Variants in FAM110B observed in about 807,000 individuals in gnomAD.
FAM110B encodes protein FAM110B.
In FAM110B, 6 loss-of-function variants were observed where a neutral mutation model predicts 20.4. That is an observed-to-expected ratio of 0.29 (90% CI 0.16 to 0.58). FAM110B has a LOEUF of 0.58. Ranked by LOEUF, FAM110B falls within the 20% of genes least tolerant of loss-of-function variation. The probability of loss-of-function intolerance (pLI) is 0.90; values close to 1 mark genes in which losing one functional copy is unlikely to be tolerated. For missense variants in FAM110B, 434 were observed against 498.2 expected, an observed-to-expected ratio of 0.87 and a Z score of 1.23; for synonymous variants, 226 against 214.1, an observed-to-expected ratio of 1.06 and a Z score of -0.49.
chr8:58,111,809 A>G (rs1391402448), intron 3 of FAM110B, among the ~76,000 whole-genome samples: 1 of 152,170 alleles, frequency 6.6e-6, no homozygotes, highest in Non-Finnish European at 1.5e-5. Context: ...TTAATGCTGT[A>G]TTCTCTTACC....
chr8:58,041,163 A>G (rs1172083582), intron 2 of FAM110B, among the ~76,000 whole-genome samples: 1 of 150,914 alleles, frequency 6.6e-6, no homozygotes, highest in East Asian at 2.0e-4. Context: ...CTGGTCTTGA[A>G]CTCCTGACCT....
chr8:58,119,213 C>G (rs1411163700), intron 3 of FAM110B, among the ~76,000 whole-genome samples: 1 of 152,134 alleles, frequency 6.6e-6, no homozygotes, highest in African/African-American at 2.4e-5. Flanking sequence ...TTAGTCTGAG[C>G]TGCTATAGCA....
intron 3 of FAM110B, among the ~76,000 whole-genome samples, chr8:58,117,099 G>A (rs534246003): frequency 3.9e-5 from 6 of 152,210 alleles, no homozygotes; most frequent in East Asian, 3.9e-4. Flanking sequence ...TTTTTGTGCC[G>A]ATCTGTCCAG....
At chr8:58,007,947 T>G (rs1263531673) in intron 1 of FAM110B, among the ~76,000 whole-genome samples, 1 of 152,120 alleles carries the variant, frequency 6.6e-6, no homozygotes, top group Non-Finnish European at 1.5e-5. Flanking sequence ...ATACGTAAAG[T>G]AACAAAATTC....
In FAM110B at chr8:58,146,276, A is replaced by G. The variant is rs1330898869; in HGVS notation, c.46A>G (p.Ser16Gly). The change falls in exon 4 of 4, where the codon AGC becomes GGC. Residue 16 changes from serine to glycine, a missense_variant. Coordinates refer to ENST00000519262, the MANE Select transcript of FAM110B (RefSeq NM_001377989.1). ...LQTGSMVKPV[S>G]PAGTFTSAVP... is the part of the protein sequence containing the mutation. ...GACAGGTAGCATGGTGAAGCCGGTC[A>G]GCCCCGCGGGCACCTTCACCTCTGC... The G allele has an allele frequency of 1.9e-6, 3 of 1,612,564 alleles. No individual in the cohort carries two copies. Among genetic ancestry groups the G allele is most frequent in the Middle Eastern group, 1.7e-4 (1 of 6,034 alleles).
intron 2 of FAM110B, among the ~76,000 whole-genome samples, chr8:58,061,274 C>T (rs914863098): frequency 6.6e-6 from 1 of 152,184 alleles, no homozygotes; most frequent in Non-Finnish European, 1.5e-5. Flanking sequence ...TCTCTTGACC[C>T]CTGGAAGGGT....
At chr8:57,999,180 C>T (rs995572353) in intron 1 of FAM110B, among the ~76,000 whole-genome samples, 6 of 152,246 alleles carry the variant, frequency 3.9e-5, no homozygotes, top group African/African-American at 1.4e-4. Flanking sequence ...AAATCTATGA[C>T]TTTAAAATTG....
chr8:58,003,277 C>T (rs879900474), intron 1 of FAM110B, among the ~76,000 whole-genome samples: 19 of 152,276 alleles, frequency 1.2e-4, no homozygotes, highest in Non-Finnish European at 2.2e-4. Context: ...CTATTTCCAC[C>T]GGATCTGCAA....
At chr8:58,052,670 G>T (rs1805470835) in intron 2 of FAM110B, among the ~76,000 whole-genome samples, 1 of 151,922 alleles carries the variant, frequency 6.6e-6, no homozygotes, top group Admixed American at 6.6e-5. Flanking sequence ...TGCAGGGGTG[G>T]GATAGGGTAG....
chr8:58,110,010 C>T (rs1807023014), intron 3 of FAM110B, among the ~76,000 whole-genome samples: 1 of 152,158 alleles, frequency 6.6e-6, no homozygotes. Flanking sequence ...CCATCACTGT[C>T]TATAAACAAC....
intron 3 of FAM110B, among the ~76,000 whole-genome samples, chr8:58,080,936 C>T (rs572869133): frequency 2.6e-5 from 4 of 152,288 alleles, no homozygotes; most frequent in Admixed American, 1.3e-4. Flanking sequence ...AAACCAAGCT[C>T]CACATCATCC....
At chr8:58,078,703 A>C (rs914507514) in intron 3 of FAM110B, among the ~76,000 whole-genome samples, 1 of 151,766 alleles carries the variant, frequency 6.6e-6, no homozygotes, top group South Asian at 2.1e-4. Flanking sequence ...GGCACCCGCC[A>C]CCACGCCCGG....
At chr8:58,003,425 T>C (rs1585802408) in intron 1 of FAM110B, among the ~76,000 whole-genome samples, 1 of 152,236 alleles carries the variant, frequency 6.6e-6, no homozygotes, top group Non-Finnish European at 1.5e-5. Flanking sequence ...TTTAGAATGG[T>C]GAATCCTTTC....
intron 3 of FAM110B, among the ~76,000 whole-genome samples, chr8:58,078,336 G>A (rs1293842880): frequency 2.6e-5 from 4 of 152,116 alleles, no homozygotes; most frequent in Non-Finnish European, 5.9e-5. Flanking sequence ...AATATGAAAC[G>A]TCCTGAGTAG....
intron 2 of FAM110B, among the ~76,000 whole-genome samples, chr8:58,057,276 A>T (rs1473227768): frequency 6.6e-6 from 1 of 152,140 alleles, no homozygotes; most frequent in Admixed American, 6.5e-5. Flanking sequence ...TCGAGCACAC[A>T]CTATGGGCAC....
chr8:58,077,018 T>G (rs1447956832), intron 3 of FAM110B: 1 of 152,230 alleles, frequency 6.6e-6, no homozygotes, highest in African/African-American at 2.4e-5. Context: ...CAGACAGAAT[T>G]CTGCAATATG....
intron 2 of FAM110B, among the ~76,000 whole-genome samples, chr8:58,050,879 C>T (rs995963465): frequency 1.3e-5 from 2 of 152,170 alleles, no homozygotes; most frequent in Non-Finnish European, 2.9e-5. Flanking sequence ...TGAATTCCGC[C>T]TCCATGGAAA....
chr8:58,040,320 C>T (rs1805185006), intron 2 of FAM110B, among the ~76,000 whole-genome samples: 1 of 152,170 alleles, frequency 6.6e-6, no homozygotes, highest in Admixed American at 6.5e-5. Context: ...GTTTGCTTTC[C>T]TCTAACGTTA....
intron 1 of FAM110B, among the ~76,000 whole-genome samples, chr8:58,028,358 G>A (rs989945338): frequency 1.3e-5 from 2 of 152,112 alleles, no homozygotes; most frequent in African/African-American, 4.8e-5. Context: ...CGCCCACCTC[G>A]GCCTCCCAAA....
Sources: gnomAD v4.1 joint callset for allele counts (sites outside exome capture counted in the v4.1 genomes callset) on GRCh38, gnomAD v4.1.1 for gene constraint, MANE v1.5 for transcripts, NCBI Gene and HGNC (gene_info 2026-07-23, HGNC 2026-07-21) for gene names.